Variants in CHD1 observed in about 807,000 individuals in gnomAD.
The protein encoded by CHD1 is chromodomain helicase DNA binding protein 1, also known as ATP-dependent chromatin remodeler CHD1.
A neutral mutation model predicts 224.2 loss-of-function variants in CHD1; 36 were observed. That is an observed-to-expected ratio of 0.16 (90% CI 0.12 to 0.21). The LOEUF (loss-of-function observed/expected upper bound fraction) is 0.21, where lower values mean the gene tolerates loss of function less well. Ranked by LOEUF, CHD1 falls within the 10% of genes least tolerant of loss-of-function variation. The probability of loss-of-function intolerance (pLI) is 1.00; values close to 1 mark genes in which losing one functional copy is unlikely to be tolerated. For synonymous variants in CHD1, 668 were observed against 658.3 expected (o/e 1.01, Z -0.23); for missense variants, 1,378 against 1,994.8 (o/e 0.69, Z 5.89).
chr5:98,925,813 T>C (rs1753418391), intron 2 of CHD1, among the ~76,000 whole-genome samples: 1 of 151,424 alleles, frequency 6.6e-6, no homozygotes, highest in Non-Finnish European at 1.5e-5. Context: ...TCCAATATGG[T>C]AGCCACTAGC....
chr5:98,890,822 T>C (rs974990836), intron 15 of CHD1, among the ~76,000 whole-genome samples: 3 of 152,214 alleles, frequency 2.0e-5, no homozygotes, highest in African/African-American at 7.2e-5. Context: ...AAAATCTAGA[T>C]TGTGGAAAAA....
intron 3 of CHD1, among the ~76,000 whole-genome samples, chr5:98,904,128 A>G (rs953915429): frequency 1.3e-5 from 2 of 152,142 alleles, no homozygotes; most frequent in African/African-American, 2.4e-5. Flanking sequence ...TCCACAGACA[A>G]TATTAATCAA....
At chr5:98,892,414 C>T in intron 15 of CHD1, 111 bp downstream of exon 15, 1 of 652,928 alleles carries the variant, frequency 1.5e-6, no homozygotes, top group South Asian at 3.7e-5. Context: ...TCGAGAATTG[C>T]AACTGCTCTA....
intron 17 of CHD1, chr5:98,886,236 AT>A (rs1750641756): frequency 6.6e-6 from 1 of 152,270 alleles, no homozygotes. Flanking sequence ...GATGTGAAGC[AT>A]CATGGGTTCT....
intron 2 of CHD1, among the ~76,000 whole-genome samples, chr5:98,907,588 C>CAAAAAAA (rs34839165): frequency 4.6e-5 from 4 of 87,458 alleles, no homozygotes; most frequent in Non-Finnish European, 6.8e-5. Context: ...AACTCCATCT[C>CAAAAAAA]AAAAAAAAAA....
rs1172616668 is a variant in CHD1, at chr5:98,860,027, G to C, written c.4469C>G (p.Ala1490Gly). 1.9e-6 allele frequency: 3 copies of C among 1,556,582 alleles called. No individual in the cohort carries two copies. The highest frequency in any genetic ancestry group is 2.6e-6 in the Non-Finnish European group (3 of 1,147,908). Residue 1490 changes from alanine to glycine, a missense_variant, in exon 33 of 36, where the codon GCA becomes GGA. Ala to Gly is a moderately conservative substitution (Grantham distance 60). Around this residue, in one of 16 missense-constraint regions of CHD1, gnomAD observed 278 missense variants for 298.5 expected, o/e 0.93. Transcript: ENST00000614616. ...CTTATATAATTTATGTAATTTTCTT[G>C]CATCAAATTCAGTAAACTTAGATAC... ...IFVSKFTEFD[A>G]RKLHKLYKHA...
At position 98,885,842 on chromosome 5, in the gene CHD1, A is replaced by C. The variant is rs1750614723; in HGVS notation, c.2497-193T>G. 4 of 537,110 alleles carry C rather than the reference A, an allele frequency of 7.4e-6. No individual in the cohort carries two copies. The East Asian group carries it at 1.2e-4, about 16-fold the overall frequency. The allele number at this position is 537,110 out of a possible 1,614,324, so 33.3% of individuals were successfully genotyped here. ...CTGTGCTCCAAATCACTAAGACTGC[A>C]CCCTCAAGAGTAAATACAGCATAGG... On this transcript the variant is annotated intron_variant, in intron 17 of 35. Coordinates refer to ENST00000614616, the MANE Select transcript of CHD1 (RefSeq NM_001270.4).
At position 98,863,400 on chromosome 5, in the gene CHD1, T is replaced by C; in HGVS notation, c.4427+8A>G. On this transcript the variant is annotated splice_region_variant and intron_variant, in intron 32 of 35. Coordinates refer to ENST00000614616, the MANE Select transcript of CHD1 (RefSeq NM_001270.4). ...AATTTAACACTTCCTGAAAAGTGTATCACTTACTTTCTCCATTGCTTAATT... is the reference window on the plus strand; with the variant it reads ...AATTTAACACTTCCTGAAAAGTGTACCACTTACTTTCTCCATTGCTTAATT... 3 of 1,479,886 alleles carry C rather than the reference T, an allele frequency of 2.0e-6. No homozygotes were observed. Among genetic ancestry groups the C allele is most frequent in the Non-Finnish European group, 1.8e-6 (2 of 1,101,624 alleles). 91.7% of individuals were successfully genotyped at this position (1,479,886 alleles called of 1,614,324 possible). A position where few individuals can be genotyped will look rare whatever the true frequency, so the allele number is the denominator to read the frequency against.
chr5:98,874,380 G>A (rs1749587846), intron 25 of CHD1, among the ~76,000 whole-genome samples: 1 of 151,832 alleles, frequency 6.6e-6, no homozygotes, highest in Non-Finnish European at 1.5e-5. Flanking sequence ...TGTATAATAA[G>A]AGAATGAATT....
intron 2 of CHD1, among the ~76,000 whole-genome samples, chr5:98,920,674 G>A (rs1373662888): frequency 6.6e-6 from 1 of 152,072 alleles, no homozygotes. Flanking sequence ...GTGCACACCT[G>A]TAGTCCCAGT....
chr5:98,869,576 A>G (rs961242160), intron 30 of CHD1, 178 bp downstream of exon 30: 2 of 637,230 alleles, frequency 3.1e-6, no homozygotes, highest in South Asian at 2.1e-5. Context: ...ATTCTGTTCT[A>G]TAATTGAGAC....
intron 32 of CHD1, among the ~76,000 whole-genome samples, chr5:98,863,082 A>C (rs1239947565): frequency 6.6e-6 from 1 of 152,114 alleles, no homozygotes. Flanking sequence ...TTGTGGGAAC[A>C]CCAACTTCAA....
rs112577019 is a variant in CHD1, at chr5:98,917,451, A to G, written c.53+8883T>C. The stretch of plus-strand genomic sequence containing the variant: ...TATACATGTATTTTTGAAGACTTTT[A>G]TCTCTTTCTTGATTATAAGCTTTAA... On this transcript the variant is annotated intron_variant, in intron 2 of 35. Transcript: ENST00000614616. 4.7e-3 allele frequency among the ~76,000 whole-genome samples: 713 copies of G among 152,246 alleles called. 8 individuals are homozygous for G. Among genetic ancestry groups the G allele is most frequent in the African/African-American group, 0.016 (656 of 41,540 alleles).
At chr5:98,868,331 G>GAAAAAAAAAAAAAAAAAAAAAAAAAAAAA (rs58475767) in intron 31 of CHD1, among the ~76,000 whole-genome samples, 164 bp downstream of exon 31, 1 of 91,688 alleles carries the variant, frequency 1.1e-5, no homozygotes, top group African/African-American at 3.8e-5. Context: ...ACTCAAAAAA[G>GAAAAAAAAAAAAAAAAAAAAAAAAAAAAA]AAAAAAAAAA....
In CHD1 at chr5:98,896,445, A is replaced by G. The variant is rs1464507887; in HGVS notation, c.1494-3T>C. 4 of 1,599,030 alleles carry G rather than the reference A, an allele frequency of 2.5e-6. No individual in the cohort carries two copies. In the African/African-American group the frequency reaches 4.0e-5, roughly 16 times the overall value. On this transcript the variant is annotated splice_region_variant and splice_polypyrimidine_tract_variant and intron_variant, in intron 11 of 35. Transcript: ENST00000614616. The stretch of plus-strand genomic sequence containing the variant: ...CAGCGAGTATGCAACTATTTCCTCT[A>G]CAAAGTTAAAAAAAAATTAGCATGC...
intron 20 of CHD1, 61 bp downstream of exon 20, chr5:98,881,913 CA>C (rs1422350924): frequency 3.0e-5 from 42 of 1,389,528 alleles, no homozygotes; most frequent in Non-Finnish European, 3.8e-5. Flanking sequence ...AGTGATGTAA[CA>C]TATCAAAAAT....
intron 2 of CHD1, among the ~76,000 whole-genome samples, chr5:98,908,830 C>A (rs997382571): frequency 1.3e-5 from 2 of 151,880 alleles, no homozygotes; most frequent in East Asian, 1.9e-4. Flanking sequence ...CCATTGAATT[C>A]TTTTCCTCAA....
rs148135649 is a variant in CHD1, at chr5:98,879,632, T to G, written c.3157A>C (p.Arg1053=). 8 of 1,609,280 alleles carry G rather than the reference T, an allele frequency of 5.0e-6. No homozygotes were observed. In the African/African-American group the frequency reaches 5.4e-5, roughly 11 times the overall value. ...WEEIIPEDQR[R]RLEEEERQKE... ...TGTCTTTCTTCTTCTTCTAATCGTC[T>G]TCTTTGATCTTCTGGAATAATTTCC... The change falls in exon 23 of 36, where the codon AGA becomes CGA. Residue 1053 remains arginine, a synonymous_variant. Coordinates refer to ENST00000614616, the MANE Select transcript of CHD1 (RefSeq NM_001270.4).
chr5:98,879,219 G>A (rs1403401874), intron 23 of CHD1, among the ~76,000 whole-genome samples: 1 of 152,042 alleles, frequency 6.6e-6, no homozygotes, highest in African/African-American at 2.4e-5. Flanking sequence ...TGGCAATAGA[G>A]CAAGATGCTG....
Sources: gnomAD v4.1 joint callset for allele counts (sites outside exome capture counted in the v4.1 genomes callset) on GRCh38, gnomAD v4.1.1 for gene constraint, gnomAD v4.1.1 regional missense constraint, MANE v1.5 for transcripts, NCBI Gene and HGNC (gene_info 2026-07-23, HGNC 2026-07-21) for gene names.